TTN: variants seen among roughly 807,000 people sequenced by gnomAD.
TTN encodes titin, also known as connectin.
Under a neutral mutation model 3,223.0 loss-of-function variants are expected in TTN, and 1,525 were observed. That is an observed-to-expected ratio of 0.47 (90% CI 0.45 to 0.49). The LOEUF is 0.49. Ranked by LOEUF, TTN falls within the 20% of genes least tolerant of loss-of-function variation. The pLI is 0.00. For synonymous variants in TTN, 14,094 were observed against 15,161.0 expected (o/e 0.93, Z 5.17); for missense variants, 40,786 against 43,424.0 (o/e 0.94, Z 5.40).
Position 178,577,727 on chromosome 2 carries a change from G to T in TTN, c.68699C>A (p.Ala22900Asp), listed in dbSNP as rs780862555. The T allele has an allele frequency of 1.2e-5, 20 of 1,613,228 alleles. No homozygotes were observed. The highest frequency in any genetic ancestry group is 1.7e-5 in the Non-Finnish European group (20 of 1,179,572). The change falls in exon 323 of 363, where the codon GCC becomes GAC. Residue 22900 changes from alanine to aspartate, a missense_variant. Transcript: ENST00000589042. ...CTCAACAAGGTCAGTTACAGTAAAG[G>T]CACATTCTGGGACATTAACATGGTT... ...KANHVNVPEC[A>D]FTVTDLVEGG...
Position 178,672,081 on chromosome 2 carries a change from T to C in TTN, c.35117A>G (p.Glu11706Gly), listed in dbSNP as rs1373156384. Residue 11706 changes from glutamate (E) to glycine (G), a missense_variant, in exon 155 of 363, where the codon GAA (glutamate) becomes GGA (glycine). Physicochemically the swap from Glu to Gly is moderately conservative, Grantham distance 98 (BLOSUM62 -2). Coordinates refer to ENST00000589042, the MANE Select transcript of TTN (RefSeq NM_001267550.2). ...GTGTTCTTCTTCAACTCTATGTTGT[T>C]CTAATTTGATGAATTCTTCTACTTC... ...FHEVEEFIKLEQHRVEEEHRV... is the reference protein window; with the variant it reads ...FHEVEEFIKLGQHRVEEEHRV... 1 of 1,612,336 alleles carries C rather than the reference T, an allele frequency of 6.2e-7. No homozygotes were observed. Among genetic ancestry groups the C allele is most frequent in the South Asian group, 1.1e-5 (1 of 90,874 alleles).
chr2:178,783,873 T>TA, intron 16 of TTN, 88 bp from the exon 17 acceptor site: 1 of 999,026 alleles, frequency 1.0e-6, no homozygotes, highest in South Asian at 2.9e-5. Context: ...TATATAATTA[T>TA]AAAAATATAA....
intron 240 of TTN, among the ~76,000 whole-genome samples, chr2:178,627,516 G>A (rs1037353175): frequency 3.9e-5 from 6 of 151,966 alleles, no homozygotes; most frequent in African/African-American, 1.4e-4. Context: ...TTTAAGTAAT[G>A]CAAGAGCAAG....
chr2:178,539,923 G>T lies in TTN; in HGVS notation c.98142C>A (p.Ile32714=), dbSNP rs1412763912. 6.2e-7 allele frequency: 1 copy of T among 1,613,586 alleles called. No homozygotes were observed. The highest frequency in any genetic ancestry group is 1.3e-5 in the African/African-American group (1 of 74,898). ...TGATGACGCCACCTTGCCTTACAAAGATACCTTCTTGGTATCTTTCATCAA... is the reference window on the plus strand; with the variant it reads ...TGATGACGCCACCTTGCCTTACAAATATACCTTCTTGGTATCTTTCATCAA... ...YELDERYQEG[I]FVRQGGVIRL... Residue 32714 remains isoleucine (I), a synonymous_variant, in exon 352 of 363, where the codon ATC becomes ATA. Transcript: ENST00000589042.
intron 156 of TTN, 62 bp from the exon 157 acceptor site, chr2:178,670,357 G>A: frequency 1.0e-6 from 1 of 983,232 alleles, no homozygotes; most frequent in Middle Eastern, 3.4e-4. Context: ...AACAAGCAGA[G>A]CATGAGAGAT....
chr2:178,797,504 C>T (rs2093832896), intron 6 of TTN, among the ~76,000 whole-genome samples: 1 of 151,750 alleles, frequency 6.6e-6, no homozygotes, highest in African/African-American at 2.4e-5. Context: ...GCATTTAGTG[C>T]ATTTATTGGT....
At chr2:178,702,707 G>T in intron 106 of TTN, 44 bp from the exon 107 acceptor site, 4 of 1,515,194 alleles carry the variant, frequency 2.6e-6, no homozygotes, top group African/African-American at 1.4e-5. Context: ...TATATAGAGA[G>T]GAATTTCTTT....
In TTN at chr2:178,782,327, C is replaced by T. The variant is rs1222071933; in HGVS notation, c.3265G>A (p.Val1089Met). 1.2e-6 allele frequency: 2 copies of T among 1,613,990 alleles called. No homozygotes were observed. The highest frequency in any genetic ancestry group is 2.2e-5 in the East Asian group (1 of 44,870). ...PAAPYFITKP[V>M]VQKLVEGGSV... ...CCACCTTCCACCAGTTTCTGGACCA[C>T]TGGTTTTGTAATAAAGTAAGGCGCG... The change falls in exon 20 of 363, where the codon GTG (valine) becomes ATG (methionine). Residue 1089 changes from valine (V) to methionine (M), a missense_variant. Val to Met is a conservative substitution (Grantham distance 21, BLOSUM62 1). Transcript: ENST00000589042.
At chr2:178,715,952 G>A (rs1361217918) in intron 88 of TTN, among the ~76,000 whole-genome samples, 178 bp from the exon 89 acceptor site, 2 of 152,128 alleles carry the variant, frequency 1.3e-5, no homozygotes, top group Admixed American at 6.6e-5. Flanking sequence ...AATAAAATAT[G>A]CTTGTTTTTG....
chr2:178,606,319 AG>A (rs1038598670), intron 278 of TTN, among the ~76,000 whole-genome samples: 16 of 151,978 alleles, frequency 1.1e-4, no homozygotes, highest in African/African-American at 3.9e-4. Flanking sequence ...CCTCTGGCAC[AG>A]CCTGTGGTAT....
In TTN at chr2:178,536,244, T is replaced by G; in HGVS notation, c.100503A>C (p.Glu33501Asp). The G allele has an allele frequency of 3.7e-6, 6 of 1,613,548 alleles. No homozygotes were observed. The South Asian group carries it at 6.6e-5, about 18-fold the overall frequency. Residue 33501 changes from glutamate to aspartate, a missense_variant, in exon 357 of 363, where the codon GAA becomes GAC. Coordinates refer to ENST00000589042, the MANE Select transcript of TTN (RefSeq NM_001267550.2). The part of the protein sequence containing the change: ...VPIQAPHFKE[E>D]LRNLNVRYQS... ...GATATCTGACATTTAGATTTCTCAG[T>G]TCCTCTTTAAAGTGTGGTGCCTGAA...
At chr2:178,640,677 G>C (rs753447442) in intron 220 of TTN, 47 bp from the exon 221 acceptor site, 1 of 1,420,342 alleles carries the variant, frequency 7.0e-7, no homozygotes, top group South Asian at 1.3e-5. Context: ...GAATATTTAG[G>C]AAGCACCTCA....
chr2:178,738,749 A>G lies in TTN; in HGVS notation c.14093-389T>C, dbSNP rs540883404. On this transcript the variant is annotated intron_variant, in intron 48 of 362. Transcript: ENST00000589042. ...ACAACAAAAAATAAACAGAAAAAAG[A>G]AACAGACAACTAATCATGGTTATTT... Among the ~76,000 whole-genome samples the G allele has an allele frequency of 1.0e-3, 155 of 152,320 alleles. 1 individual carries two copies. Among genetic ancestry groups the G allele is most frequent in the African/African-American group, 3.6e-3 (150 of 41,576 alleles).
chr2:178,584,852 C>G lies in TTN; in HGVS notation c.64789G>C (p.Val21597Leu), dbSNP rs150661999. 6.2e-7 allele frequency: 1 copy of G among 1,613,342 alleles called. No individual in the cohort carries two copies. Among genetic ancestry groups the G allele is most frequent in the East Asian group, 2.2e-5 (1 of 44,792 alleles). The change falls in exon 310 of 363, where the codon GTG becomes CTG. Residue 21597 changes from valine to leucine, a missense_variant. Transcript: ENST00000589042. ...DGGSNITNYI[V>L]EKCDVSRGDW... is the part of the protein sequence containing the mutation. The stretch of plus-strand genomic sequence containing the variant: ...CCTCGGCTTACATCACACTTCTCCA[C>G]TATATAATTGGTGATGTTACTGCCT...
Position 178,547,907 on chromosome 2 carries a change from CTGAT to C in TTN, c.93715_93718del (p.Ile31239ValfsTer8). 1 of 1,613,854 alleles carries C rather than the reference CTGAT, an allele frequency of 6.2e-7. No homozygotes were observed. The highest frequency in any genetic ancestry group is 8.5e-7 in the Non-Finnish European group (1 of 1,179,830). On this transcript the variant is annotated frameshift_variant, in exon 339 of 363. Coordinates refer to ENST00000589042, the MANE Select transcript of TTN (RefSeq NM_001267550.2). LOFTEE classifies it high-confidence loss of function. ...TGTTACTTTGGGGGCAGGACGACCA[CTGAT>C]TGGTACGTCAATGGTAAATGGGCTT...
intron 21 of TTN, among the ~76,000 whole-genome samples, chr2:178,780,881 T>C (rs953860702): frequency 3.3e-5 from 5 of 152,328 alleles, no homozygotes; most frequent in South Asian, 2.1e-4. Context: ...TTCAGAGGCA[T>C]GATATGCCTA....
rs748837287 is a variant in TTN, at chr2:178,734,601, G to C, written c.15223C>G (p.Pro5075Ala). 1.9e-6 allele frequency: 3 copies of C among 1,565,452 alleles called. No individual in the cohort carries two copies. Among genetic ancestry groups the C allele is most frequent in the Non-Finnish European group, 1.7e-6 (2 of 1,156,874 alleles). The change falls in exon 52 of 363, where the codon CCT becomes GCT. Residue 5075 changes from proline to alanine, a missense_variant. By Grantham distance (27) the Pro-to-Ala change is conservative. Coordinates refer to ENST00000589042, the MANE Select transcript of TTN (RefSeq NM_001267550.2). ...CSTEIVIKEP[P>A]SFIKTLEPAD... is the part of the protein sequence containing the mutation. ...GGCTCAAGAGTTTTGATGAAAGAAG[G>C]AGGTTCTACAAAAGCATGAAAGCAT...
Position 178,620,834 on chromosome 2 carries a change from T to A in TTN, c.45776A>T (p.Asp15259Val). The change falls in exon 247 of 363, where the codon GAC (aspartate) becomes GTC (valine). Residue 15259 changes from aspartate (D) to valine (V), a missense_variant. Coordinates refer to ENST00000589042, the MANE Select transcript of TTN (RefSeq NM_001267550.2). ...DSSKYIILQK[D>V]LVYTLRIRDA... ...TCTAATTCTGAGGGTGTAGACTAGGTCTTTTTGGAGAATGATGTATTTTGA... is the reference window on the plus strand; with the variant it reads ...TCTAATTCTGAGGGTGTAGACTAGGACTTTTTGGAGAATGATGTATTTTGA... 3.7e-6 allele frequency: 6 copies of A among 1,612,500 alleles called. No homozygotes were observed. Among genetic ancestry groups the A allele is most frequent in the Non-Finnish European group, 5.1e-6 (6 of 1,179,092 alleles).
rs1209561983 is a variant in TTN at position 178,590,741 on chromosome 2, C to T, written c.60984G>A (p.Leu20328=). 1.2e-6 allele frequency: 2 copies of T among 1,611,370 alleles called. No individual in the cohort carries two copies. The highest frequency in any genetic ancestry group is 1.3e-5 in the African/African-American group (1 of 74,840). ...CATAGAGTCCAGTCACTCTGAACTT[C>T]AGGTCAGCGATAGGTGTTTTGTTGA... is the stretch of plus-strand genomic sequence containing the variant. ...VRVNKTPIAD[L]KFRVTGLYEG... Residue 20328 remains leucine, a synonymous_variant, in exon 304 of 363, where the codon CTG becomes CTA. Transcript: ENST00000589042.
Sources: allele counts gnomAD v4.1 joint callset (sites outside exome capture counted in the v4.1 genomes callset), GRCh38; gene constraint gnomAD v4.1.1; transcripts MANE v1.5; gene names NCBI Gene and HGNC (gene_info 2026-07-23, HGNC 2026-07-21).